Variants in CCSER1 observed in about 807,000 individuals in gnomAD.
CCSER1 encodes serine-rich coiled-coil domain-containing protein 1.
CCSER1 carries 41 observed loss-of-function variants against 82.0 expected under a neutral mutation model. The observed-to-expected ratio is 0.50, with a 90% CI of 0.39 to 0.65. CCSER1 has a LOEUF of 0.65. Ranked by LOEUF, CCSER1 falls within the 30% of genes least tolerant of loss-of-function variation. CCSER1 has a pLI of 0.00. For missense variants in CCSER1, 1,119 were observed against 1,064.2 expected (o/e 1.05, Z -0.72); for synonymous variants, 414 against 383.9 (o/e 1.08, Z -0.92).
At chr4:90,588,833 T>C (rs1782341277) in intron 5 of CCSER1, among the ~76,000 whole-genome samples, 1 of 152,158 alleles carries the variant, frequency 6.6e-6, no homozygotes, top group Non-Finnish European at 1.5e-5. Context: ...GCCTTTTAGC[T>C]TCCACCATGA....
At chr4:90,192,663 C>G (rs185751448) in intron 1 of CCSER1, among the ~76,000 whole-genome samples, 4 of 151,926 alleles carry the variant, frequency 2.6e-5, no homozygotes, top group African/African-American at 9.7e-5. Flanking sequence ...GGCCCATAAC[C>G]GTTAATAATG....
chr4:90,797,660 C>A (rs776832137), intron 7 of CCSER1, among the ~76,000 whole-genome samples: 1 of 152,174 alleles, frequency 6.6e-6, no homozygotes, highest in Non-Finnish European at 1.5e-5. Flanking sequence ...TCTTGTAAGG[C>A]AAGTCTGGTG....
chr4:90,414,583 CTTT>C (rs1043904635), intron 4 of CCSER1, among the ~76,000 whole-genome samples: 3 of 152,036 alleles, frequency 2.0e-5, no homozygotes, highest in African/African-American at 7.2e-5. Context: ...ACCCTTCACA[CTTT>C]TTATCTGTCC....
chr4:90,239,501 A>G (rs914403066), intron 1 of CCSER1, among the ~76,000 whole-genome samples: 3 of 152,038 alleles, frequency 2.0e-5, no homozygotes, highest in Non-Finnish European at 4.4e-5. Flanking sequence ...AAATAGATTG[A>G]TCTGTTATAT....
intron 7 of CCSER1, among the ~76,000 whole-genome samples, chr4:90,740,943 T>G (rs945791906): frequency 5.3e-5 from 8 of 152,130 alleles, no homozygotes; most frequent in African/African-American, 1.9e-4. Flanking sequence ...CTTGGACTAT[T>G]GAATTTAAGG....
intron 10 of CCSER1, among the ~76,000 whole-genome samples, chr4:91,594,456 TAC>T (rs1030864425): frequency 4.7e-5 from 7 of 148,874 alleles, no homozygotes; most frequent in African/African-American, 1.7e-4. Context: ...TACATATATA[TAC>T]ACACATATAT....
chr4:90,410,701 A>G (rs1032675687), intron 4 of CCSER1, among the ~76,000 whole-genome samples: 7 of 152,116 alleles, frequency 4.6e-5, no homozygotes, highest in Non-Finnish European at 8.8e-5. Flanking sequence ...TTGACACCCT[A>G]ACATCACAAT....
intron 4 of CCSER1, among the ~76,000 whole-genome samples, chr4:90,466,982 A>G (rs1019040647): frequency 7.9e-5 from 12 of 152,252 alleles, no homozygotes; most frequent in African/African-American, 2.9e-4. Context: ...GTATAAATAA[A>G]TCGTGGTATA....
At chr4:90,528,999 A>ATGTCTGCTTT (rs1213748893) in intron 5 of CCSER1, among the ~76,000 whole-genome samples, 3 of 151,650 alleles carry the variant, frequency 2.0e-5, no homozygotes, top group Non-Finnish European at 4.4e-5. Flanking sequence ...TCATAGACAG[A>ATGTCTGCTTT]TGTCTGCTTT....
chr4:91,262,621 A>G (rs1741275782), intron 10 of CCSER1, among the ~76,000 whole-genome samples: 1 of 152,118 alleles, frequency 6.6e-6, no homozygotes, highest in Non-Finnish European at 1.5e-5. Flanking sequence ...ACACATTTCT[A>G]TTACATTCTT....
chr4:90,642,865 AC>A (rs1725501863), intron 6 of CCSER1, among the ~76,000 whole-genome samples: 1 of 149,214 alleles, frequency 6.7e-6, no homozygotes, highest in Admixed American at 6.7e-5. Context: ...AAAAATAAAT[AC>A]ATACATACAT....
intron 3 of CCSER1, among the ~76,000 whole-genome samples, chr4:90,373,946 G>A (rs917172742): frequency 1.1e-4 from 17 of 152,120 alleles, no homozygotes; most frequent in African/African-American, 3.9e-4. Flanking sequence ...GGGAGCTAGG[G>A]CACTGAATTG....
chr4:90,657,729 C>A (rs1729970773), intron 6 of CCSER1, among the ~76,000 whole-genome samples: 3 of 152,270 alleles, frequency 2.0e-5, no homozygotes, highest in Admixed American at 1.3e-4. Flanking sequence ...TCACAGTTTT[C>A]AATTCTCTGC....
intron 6 of CCSER1, among the ~76,000 whole-genome samples, chr4:90,694,296 C>G (rs539829927): frequency 6.6e-6 from 1 of 152,032 alleles, no homozygotes; most frequent in East Asian, 1.9e-4. Flanking sequence ...TGTAGTGTGC[C>G]AGAGTTGGAG....
chr4:90,195,828 ATATT>A (rs1360241403), intron 1 of CCSER1, among the ~76,000 whole-genome samples: 3 of 152,114 alleles, frequency 2.0e-5, no homozygotes, highest in African/African-American at 7.2e-5. Flanking sequence ...GCTGGCAGCA[ATATT>A]TATTTCAACA....
chr4:91,154,192 A>C lies in CCSER1; in HGVS notation c.2217+68198A>C, dbSNP rs994719038. Among the ~76,000 whole-genome samples, 5 of 151,898 alleles carry C rather than the reference A, an allele frequency of 3.3e-5. No individual in the cohort carries two copies. In the South Asian group the frequency reaches 1.0e-3, roughly 32 times the overall value. ...GCTTCCCTGGCTGCTTTGTTTACCT[A>C]CTCAAGCCTCAGGTATGGCAAACGC... On this transcript the variant is annotated intron_variant, in intron 10 of 10. Transcript: ENST00000509176.
chr4:91,480,428 C>T (rs1284654782), intron 10 of CCSER1, among the ~76,000 whole-genome samples: 4 of 151,846 alleles, frequency 2.6e-5, no homozygotes, highest in African/African-American at 9.7e-5. Flanking sequence ...TTTTAATGAT[C>T]ACCATTCTAA....
intron 9 of CCSER1, among the ~76,000 whole-genome samples, chr4:91,044,408 A>G (rs114080877): frequency 0.011 from 1,695 of 152,328 alleles, 33 homozygotes; most frequent in African/African-American, 0.038. Context: ...AGCGCACAAA[A>G]TGTTCATAAT....
intron 10 of CCSER1, among the ~76,000 whole-genome samples, chr4:91,335,343 C>T (rs1747245017): frequency 6.6e-6 from 1 of 151,988 alleles, no homozygotes; most frequent in Non-Finnish European, 1.5e-5. Flanking sequence ...GTCCCCACAT[C>T]CAGACCTACT....
Sources: allele counts gnomAD v4.1 joint callset (sites outside exome capture counted in the v4.1 genomes callset), GRCh38; gene constraint gnomAD v4.1.1; transcripts MANE v1.5; gene names NCBI Gene and HGNC (gene_info 2026-07-23, HGNC 2026-07-21).